The following PTPN4 variants were observed in gnomAD, a reference collection of about 807,000 sequenced individuals.
The protein encoded by PTPN4 is protein tyrosine phosphatase non-receptor type 4, also known as tyrosine-protein phosphatase non-receptor type 4.
PTPN4 carries 49 observed loss-of-function variants against 135.5 expected under a neutral mutation model. The ratio of observed to expected loss-of-function variants is 0.36; its 90% CI spans 0.29 to 0.46. The LOEUF (loss-of-function observed/expected upper bound fraction) is 0.46. Ranked by LOEUF, PTPN4 falls within the 20% of genes least tolerant of loss-of-function variation. The probability of loss-of-function intolerance (pLI) is 1.00; values close to 1 mark genes in which losing one functional copy is unlikely to be tolerated. For synonymous variants in PTPN4, 333 were observed against 369.9 expected (o/e 0.90, Z 1.14); for missense variants, 860 against 1,101.0 (o/e 0.78, Z 3.10).
In PTPN4 at chr2:119,973,655, G is replaced by GTTTTTTTTTTTTTTT. The variant is rs70949378; in HGVS notation, c.2695-3316_2695-3302dup. Reference sequence around the variant, plus strand: ...TTGAAAGCTTCCTCCTTCATTTCTTGTTTTTTTTTTTTTTTTTTTTTTTTT... The same window carrying GTTTTTTTTTTTTTTT: ...TTGAAAGCTTCCTCCTTCATTTCTTGTTTTTTTTTTTTTTTTTTTTTTTTTTTTTTTTTTTTTTTT... On this transcript the variant is annotated intron_variant, in intron 26 of 26. Transcript: ENST00000263708. Among the ~76,000 whole-genome samples, 54 of 38,390 alleles carry GTTTTTTTTTTTTTTT rather than the reference G, an allele frequency of 1.4e-3. 10 individuals are homozygous for GTTTTTTTTTTTTTTT. Among genetic ancestry groups the GTTTTTTTTTTTTTTT allele is most frequent in the East Asian group, 3.3e-3 (3 of 910 alleles). The allele number at this position is 38,390 out of a possible 152,430, so 25.2% of individuals were successfully genotyped here.
chr2:119,883,760 G>C (rs1277176510), intron 8 of PTPN4, among the ~76,000 whole-genome samples: 2 of 152,170 alleles, frequency 1.3e-5, no homozygotes, highest in African/African-American at 2.4e-5. Flanking sequence ...TGGAGTTACT[G>C]TAGGTCTTAA....
chr2:119,849,506 T>C (rs1677559119), intron 2 of PTPN4, among the ~76,000 whole-genome samples: 1 of 152,142 alleles, frequency 6.6e-6, no homozygotes, highest in Non-Finnish European at 1.5e-5. Context: ...TTCACCTTGT[T>C]GCCCAGGCTG....
intron 1 of PTPN4, among the ~76,000 whole-genome samples, chr2:119,805,825 T>C (rs1048000150): frequency 2.0e-5 from 3 of 152,220 alleles, no homozygotes; most frequent in Non-Finnish European, 4.4e-5. Flanking sequence ...AAGAAAATCA[T>C]TGTTAGCTTG....
intron 26 of PTPN4, among the ~76,000 whole-genome samples, chr2:119,973,033 CAT>C: frequency 6.6e-6 from 1 of 152,026 alleles, no homozygotes; most frequent in Admixed American, 6.6e-5. Flanking sequence ...ATACACATAA[CAT>C]AAAATTTACC....
At chr2:119,885,748 T>A in intron 8 of PTPN4, 47 bp from the exon 9 acceptor site, 1 of 1,290,950 alleles carries the variant, frequency 7.7e-7, no homozygotes, top group Non-Finnish European at 1.1e-6. Flanking sequence ...CCATATTTAT[T>A]TGATTGATTG....
At chr2:119,797,165 C>T (rs748834550) in intron 1 of PTPN4, among the ~76,000 whole-genome samples, 2 of 152,082 alleles carry the variant, frequency 1.3e-5, no homozygotes, top group African/African-American at 2.4e-5. Context: ...ATTCTCTTAA[C>T]AGTGCCTTTT....
At chr2:119,929,891 G>A (rs1048327216) in intron 13 of PTPN4, among the ~76,000 whole-genome samples, 3 of 152,074 alleles carry the variant, frequency 2.0e-5, no homozygotes, top group Non-Finnish European at 4.4e-5. Flanking sequence ...GAAAATGAAA[G>A]TAGTTGATCT....
chr2:119,956,375 G>A (rs1325735981), intron 20 of PTPN4, among the ~76,000 whole-genome samples: 1 of 151,230 alleles, frequency 6.6e-6, no homozygotes, highest in Non-Finnish European at 1.5e-5. Context: ...AGCCATGCTA[G>A]GCTCCCTGGA....
At chr2:119,842,434 T>C (rs554463504) in intron 2 of PTPN4, among the ~76,000 whole-genome samples, 1 of 152,278 alleles carries the variant, frequency 6.6e-6, no homozygotes, top group African/African-American at 2.4e-5. Context: ...GTAGAAAGAA[T>C]TGTAAAAATG....
intron 6 of PTPN4, 132 bp downstream of exon 6, chr2:119,881,962 C>G: frequency 2.8e-6 from 3 of 1,067,578 alleles, no homozygotes; most frequent in Non-Finnish European, 4.2e-6. Flanking sequence ...GAATTCCTTT[C>G]ATCAGATAAG....
intron 10 of PTPN4, among the ~76,000 whole-genome samples, chr2:119,914,089 A>G (rs1678612509): frequency 6.6e-6 from 1 of 152,076 alleles, no homozygotes; most frequent in Non-Finnish European, 1.5e-5. Context: ...TTTTGAAATT[A>G]AAGTGATTTG....
intron 1 of PTPN4, among the ~76,000 whole-genome samples, chr2:119,803,009 T>A (rs1691403117): frequency 6.6e-6 from 1 of 152,216 alleles, no homozygotes; most frequent in Non-Finnish European, 1.5e-5. Context: ...AGTATTACCA[T>A]TTCAATGGTT....
At chr2:119,969,356 A>C (rs1328775835) in intron 26 of PTPN4, among the ~76,000 whole-genome samples, 3 of 152,056 alleles carry the variant, frequency 2.0e-5, no homozygotes, top group African/African-American at 7.2e-5. Context: ...CAATATAATG[A>C]ATATCATGTT....
At chr2:119,953,967 T>G (rs547872157) in intron 19 of PTPN4, among the ~76,000 whole-genome samples, 34 of 152,328 alleles carry the variant, frequency 2.2e-4, no homozygotes, top group Admixed American at 5.9e-4. Flanking sequence ...CTTTCTAAAT[T>G]GTTTCATAGT....
chr2:119,810,285 AT>A (rs1230117239), intron 2 of PTPN4, among the ~76,000 whole-genome samples: 1 of 152,148 alleles, frequency 6.6e-6, no homozygotes, highest in African/African-American at 2.4e-5. Context: ...CCTGAAAAGA[AT>A]TTGTTCTTCT....
intron 26 of PTPN4, among the ~76,000 whole-genome samples, chr2:119,976,013 T>A (rs1186249494): frequency 2.6e-5 from 3 of 113,214 alleles, no homozygotes; most frequent in Admixed American, 9.2e-5. Context: ...TTTTTTTTTT[T>A]GAGACGGAGT....
rs138842232 is a variant in PTPN4, at chr2:119,874,572, G to A, written c.247-2751G>A. Among the ~76,000 whole-genome samples, 555 of 152,208 alleles carry A rather than the reference G, an allele frequency of 3.6e-3. 3 individuals are homozygous for A. The highest frequency in any genetic ancestry group is 0.013 in the African/African-American group (529 of 41,532). Reference sequence around the variant, plus strand: ...CGAAATGTTCAAAACAGGTAAATTTGTAGAGACAGAATGTAGGTTAGTGAT... The same window carrying A: ...CGAAATGTTCAAAACAGGTAAATTTATAGAGACAGAATGTAGGTTAGTGAT... On this transcript the variant is annotated intron_variant, in intron 3 of 26. Transcript: ENST00000263708.
At chr2:119,939,179 G>T (rs1679027643) in intron 15 of PTPN4, among the ~76,000 whole-genome samples, 1 of 152,132 alleles carries the variant, frequency 6.6e-6, no homozygotes, top group Non-Finnish European at 1.5e-5. Context: ...AGTTTGTCTG[G>T]ATATTTGAAG....
At chr2:119,955,108 T>C in intron 19 of PTPN4, 49 bp from the exon 20 acceptor site, 1 of 1,485,634 alleles carries the variant, frequency 6.7e-7, no homozygotes. Flanking sequence ...ATCGTGTGAA[T>C]TCATTAAGAT....
Sources: gnomAD v4.1 joint callset for allele counts (sites outside exome capture counted in the v4.1 genomes callset) on GRCh38, gnomAD v4.1.1 for gene constraint, MANE v1.5 for transcripts, NCBI Gene and HGNC (gene_info 2026-07-23, HGNC 2026-07-21) for gene names.